Variants in PAX2 observed in about 807,000 individuals in gnomAD.
PAX2 encodes the protein paired box 2, also known as paired box protein Pax-2.
Under a neutral mutation model 41.7 loss-of-function variants are expected in PAX2, and 9 were observed. The ratio of observed to expected loss-of-function variants is 0.22; its 90% CI spans 0.13 to 0.38. The LOEUF (loss-of-function observed/expected upper bound fraction) is 0.38, where lower values mean the gene tolerates loss of function less well. Among genes scored for constraint, PAX2 ranks in the 10% least tolerant of loss-of-function variants. The pLI is 1.00. For missense variants in PAX2, 418 were observed against 531.6 expected (o/e 0.79, Z 2.10); for synonymous variants, 221 against 212.7 (o/e 1.04, Z -0.34).
intron 3 of PAX2, among the ~76,000 whole-genome samples, chr10:100,767,178 A>C (rs1187978279): frequency 6.6e-6 from 1 of 152,224 alleles, no homozygotes; most frequent in Non-Finnish European, 1.5e-5. Context: ...CACTTGAGCC[A>C]CATGGGCAGA....
chr10:100,798,944 G>A (rs540784738), intron 5 of PAX2, among the ~76,000 whole-genome samples: 2 of 152,370 alleles, frequency 1.3e-5, no homozygotes, highest in South Asian at 4.1e-4. Flanking sequence ...TATTGATCGC[G>A]TTCTGAACTC....
At chr10:100,800,273 C>CTTTTTTTTTTTTTTT (rs59487758) in intron 5 of PAX2, among the ~76,000 whole-genome samples, 3 of 108,386 alleles carry the variant, frequency 2.8e-5, no homozygotes, top group Admixed American at 1.9e-4. Context: ...TCTTTTCTTT[C>CTTTTTTTTTTTTTTT]TTTTTTTTTT....
intron 5 of PAX2, among the ~76,000 whole-genome samples, chr10:100,798,011 G>A (rs180798654): frequency 1.8e-4 from 28 of 152,088 alleles, no homozygotes; most frequent in African/African-American, 4.6e-4. Flanking sequence ...AGTACAGCAG[G>A]TAGTTTCCCA....
intron 5 of PAX2, among the ~76,000 whole-genome samples, chr10:100,782,149 C>T (rs1228358192): frequency 6.6e-6 from 1 of 152,144 alleles, no homozygotes; most frequent in East Asian, 1.9e-4. Flanking sequence ...ACAGAGACAC[C>T]AGTGTCTCCG....
At chr10:100,793,390 T>A (rs1039660295) in intron 5 of PAX2, among the ~76,000 whole-genome samples, 1 of 152,232 alleles carries the variant, frequency 6.6e-6, no homozygotes, top group Admixed American at 6.5e-5. Flanking sequence ...CCACAACTTG[T>A]GTGTTCCCTT....
intron 3 of PAX2, among the ~76,000 whole-genome samples, chr10:100,761,388 A>G (rs970702768): frequency 4.6e-5 from 7 of 152,000 alleles, no homozygotes; most frequent in African/African-American, 1.7e-4. Flanking sequence ...TTTCCTCTGA[A>G]CTTGGCTCTG....
chr10:100,784,625 C>G (rs775632879), intron 5 of PAX2, among the ~76,000 whole-genome samples: 2 of 152,224 alleles, frequency 1.3e-5, no homozygotes, highest in Non-Finnish European at 2.9e-5. Flanking sequence ...TGAGGACAAT[C>G]ACTGCAGTGA....
At chr10:100,772,668 G>A (rs1240914216) in intron 3 of PAX2, among the ~76,000 whole-genome samples, 3 of 152,190 alleles carry the variant, frequency 2.0e-5, no homozygotes, top group African/African-American at 7.2e-5. Context: ...AGACTCTAAA[G>A]TGGACAGTTT....
chr10:100,783,993 G>T (rs779403463), intron 5 of PAX2, among the ~76,000 whole-genome samples: 1 of 152,190 alleles, frequency 6.6e-6, no homozygotes, highest in East Asian at 1.9e-4. Context: ...CTATGAGGGA[G>T]ACCAGTTCTC....
intron 7 of PAX2, among the ~76,000 whole-genome samples, chr10:100,822,937 A>C (rs1475311285): frequency 6.6e-6 from 1 of 152,218 alleles, no homozygotes; most frequent in Non-Finnish European, 1.5e-5. Context: ...GGTGTGATGA[A>C]AGCAAAGTTT....
At chr10:100,811,055 G>A (rs1055629484) in intron 7 of PAX2, among the ~76,000 whole-genome samples, 1 of 152,106 alleles carries the variant, frequency 6.6e-6, no homozygotes, top group Admixed American at 6.5e-5. Context: ...ATTAACATTC[G>A]GAGCTGTTCA....
intron 6 of PAX2, among the ~76,000 whole-genome samples, chr10:100,808,755 TC>T (rs1044548538): frequency 2.0e-5 from 3 of 151,934 alleles, no homozygotes; most frequent in Non-Finnish European, 4.4e-5. Flanking sequence ...ATGTCATGGT[TC>T]CCCCTCCTCC....
intron 7 of PAX2, among the ~76,000 whole-genome samples, chr10:100,819,289 C>G (rs1047623284): frequency 1.0e-4 from 15 of 149,520 alleles, no homozygotes; most frequent in Non-Finnish European, 1.9e-4. Flanking sequence ...ATATCAATGG[C>G]TGGTCCCAGT....
intron 5 of PAX2, among the ~76,000 whole-genome samples, chr10:100,795,432 GT>G (rs1446920843): frequency 6.6e-6 from 1 of 152,172 alleles, no homozygotes; most frequent in African/African-American, 2.4e-5. Context: ...CAAAGGAGCA[GT>G]TGCTTCCACT....
chr10:100,826,663 A>G lies in PAX2; in HGVS notation c.1022-346A>G, dbSNP rs1478508910. 6.6e-6 allele frequency among the ~76,000 whole-genome samples: 1 copy of G among 152,176 alleles called. No homozygotes were observed. The highest frequency in any genetic ancestry group is 1.5e-5 in the Non-Finnish European group (1 of 68,010). On this transcript the variant is annotated intron_variant, in intron 8 of 9. Transcript: ENST00000355243. This position sits in a 1 kb window ranked among gnomAD's most constrained non-coding sequence, Gnocchi z 5.5. ...GCCTCCTAGAACCGGAGTGGCATCT[A>G]TAAAGGCCCTGGCCCCCAGCGCGAC... is the stretch of plus-strand genomic sequence containing the variant.
Position 100,745,859 on chromosome 10 carries a change from G to A in PAX2, c.-402G>A. 3 of 1,059,218 alleles carry A rather than the reference G, an allele frequency of 2.8e-6. No individual in the cohort carries two copies. Among genetic ancestry groups the A allele is most frequent in the Non-Finnish European group, 3.4e-6 (3 of 877,512 alleles). The allele number at this position is 1,059,218 out of a possible 1,614,324, so 65.6% of individuals were successfully genotyped here. On this transcript the variant is annotated 5_prime_UTR_variant, in exon 1 of 10. Coordinates refer to ENST00000355243, the MANE Select transcript of PAX2 (RefSeq NM_000278.5). The stretch of plus-strand genomic sequence containing the variant: ...CCCTCTGACCGCCCCCGCCCCGCGC[G>A]CTCTCCGACCACCGCCTCTCGGATG...
chr10:100,766,926 T>C (rs550588821), intron 3 of PAX2, among the ~76,000 whole-genome samples: 1 of 152,128 alleles, frequency 6.6e-6, no homozygotes, highest in Non-Finnish European at 1.5e-5. Context: ...ATATGATCAA[T>C]GAACACAATA....
At position 100,748,829 on chromosome 10, in the gene PAX2, G is replaced by C. The variant is rs1481488374; in HGVS notation, c.44-917G>C. The C allele has an allele frequency of 2.0e-6, 2 of 985,256 alleles. No homozygotes were observed. Among genetic ancestry groups the C allele is most frequent in the Admixed American group, 6.1e-5 (1 of 16,272 alleles). The allele number at this position is 985,256 out of a possible 1,614,324, so 61.0% of individuals were successfully genotyped here. A position where few individuals can be genotyped will look rare whatever the true frequency, so the allele number is the denominator to read the frequency against. ...GAGGGGTCAAAGGGACTCGAGTCGG[G>C]TTTGGGTCGGCTACACAGGGCGCCC... is the stretch of plus-strand genomic sequence containing the variant. On this transcript the variant is annotated intron_variant, in intron 1 of 9. Coordinates refer to ENST00000355243, the MANE Select transcript of PAX2 (RefSeq NM_000278.5). This position sits in a 1 kb window ranked among gnomAD's most constrained non-coding sequence, Gnocchi z 5.0.
intron 3 of PAX2, among the ~76,000 whole-genome samples, chr10:100,757,609 A>C (rs764319575): frequency 1.7e-4 from 26 of 152,324 alleles, no homozygotes; most frequent in Admixed American, 6.5e-4. Flanking sequence ...CCTTCCTCCA[A>C]AGCTGTGGTC....
Sources: allele counts gnomAD v4.1 joint callset (sites outside exome capture counted in the v4.1 genomes callset), GRCh38; gene constraint gnomAD v4.1.1; non-coding constraint Gnocchi (gnomAD v3.1); transcripts MANE v1.5; gene names NCBI Gene and HGNC (gene_info 2026-07-23, HGNC 2026-07-21).